ADGRL2: variants seen among roughly 807,000 people sequenced by gnomAD.
ADGRL2 encodes adhesion G protein-coupled receptor L2, also known as calcium-independent alpha-latrotoxin receptor 2.
Under a neutral mutation model 157.4 loss-of-function variants are expected in ADGRL2, and 44 were observed. The ratio of observed to expected loss-of-function variants is 0.28; its 90% CI spans 0.22 to 0.36. ADGRL2 has a LOEUF of 0.36. Ranked by LOEUF, ADGRL2 falls within the 10% of genes least tolerant of loss-of-function variation. ADGRL2 has a pLI of 1.00. For missense variants in ADGRL2, 1,510 were observed against 1,768.9 expected, an observed-to-expected ratio of 0.85 and a Z score of 2.63; for synonymous variants, 585 against 624.7, an observed-to-expected ratio of 0.94 and a Z score of 0.95.
At chr1:81,546,858 A>C (rs1161245443) in intron 2 of ADGRL2, among the ~76,000 whole-genome samples, 1 of 152,166 alleles carries the variant, frequency 6.6e-6, no homozygotes, top group Non-Finnish European at 1.5e-5. Flanking sequence ...GTCTTCTCCC[A>C]GAGGTGGTCA....
chr1:81,370,052 C>T (rs1258719025), intron 1 of ADGRL2, among the ~76,000 whole-genome samples: 3 of 152,022 alleles, frequency 2.0e-5, no homozygotes, highest in Non-Finnish European at 2.9e-5. Context: ...AGTTCTACCT[C>T]ACCTGCCAAG....
chr1:81,334,122 G>C (rs1254289277), intron 1 of ADGRL2, among the ~76,000 whole-genome samples: 1 of 152,150 alleles, frequency 6.6e-6, no homozygotes, highest in Non-Finnish European at 1.5e-5. Flanking sequence ...GACTTTTCCT[G>C]ATAGTTTTAG....
intron 2 of ADGRL2, among the ~76,000 whole-genome samples, chr1:81,877,422 A>G (rs1031355759): frequency 1.4e-4 from 22 of 152,088 alleles, no homozygotes; most frequent in African/African-American, 5.1e-4. Context: ...ATTATTCATA[A>G]AGTACTGAGA....
At chr1:81,720,257 A>G (rs1012785670) in intron 1 of ADGRL2, among the ~76,000 whole-genome samples, 3 of 139,138 alleles carry the variant, frequency 2.2e-5, no homozygotes, top group Non-Finnish European at 3.0e-5. Context: ...ATCTTAGCTT[A>G]CTACAACCTC....
At chr1:81,358,931 A>G (rs563662586) in intron 1 of ADGRL2, among the ~76,000 whole-genome samples, 4 of 152,208 alleles carry the variant, frequency 2.6e-5, no homozygotes, top group South Asian at 4.1e-4. Context: ...GTTTGAGCTA[A>G]AATATGGAAA....
intron 1 of ADGRL2, among the ~76,000 whole-genome samples, chr1:81,349,898 A>C (rs1195766974): frequency 1.3e-5 from 2 of 152,018 alleles, no homozygotes; most frequent in African/African-American, 2.4e-5. Context: ...ACATTCTACA[A>C]ACCTGCTTTA....
intron 1 of ADGRL2, among the ~76,000 whole-genome samples, chr1:81,349,512 G>T (rs1662719047): frequency 6.6e-6 from 1 of 152,006 alleles, no homozygotes; most frequent in Admixed American, 6.6e-5. Flanking sequence ...GGATGGTATT[G>T]GTGCTCTGAA....
At chr1:81,531,913 C>T (rs2079609429) in intron 2 of ADGRL2, among the ~76,000 whole-genome samples, 1 of 152,056 alleles carries the variant, frequency 6.6e-6, no homozygotes, top group Admixed American at 6.6e-5. Context: ...CTGGACCTAC[C>T]ACTAAACCAC....
At chr1:81,431,057 G>T (rs977989935) in intron 1 of ADGRL2, among the ~76,000 whole-genome samples, 12 of 152,102 alleles carry the variant, frequency 7.9e-5, no homozygotes, top group Non-Finnish European at 1.2e-4. Context: ...AGCAGAACAG[G>T]TACAGGAAAT....
In ADGRL2 at chr1:81,353,354, G is replaced by T. The variant is rs74093347; in HGVS notation, c.-302+46845G>T. ...GCAGGTAAAGGCCACAACCAGATTT[G>T]CTTGTTATCTGAATTAAGGATAGAA... On this transcript the variant is annotated intron_variant, in intron 1 of 24. Coordinates refer to the ADGRL2 transcript ENST00000370721. 2.6e-5 allele frequency among the ~76,000 whole-genome samples: 4 copies of T among 152,124 alleles called. No individual in the cohort carries two copies. The East Asian group carries it at 5.8e-4, about 22-fold the overall frequency.
intron 2 of ADGRL2, among the ~76,000 whole-genome samples, chr1:81,849,358 A>G (rs1410747415): frequency 2.0e-5 from 3 of 151,936 alleles, no homozygotes; most frequent in Non-Finnish European, 4.4e-5. Context: ...GTTAAGCAAC[A>G]ATAAAACCCC....
At chr1:81,539,437 A>G (rs561437729) in intron 2 of ADGRL2, among the ~76,000 whole-genome samples, 5 of 152,276 alleles carry the variant, frequency 3.3e-5, no homozygotes, top group African/African-American at 9.6e-5. Flanking sequence ...ATCATCAAAC[A>G]TTTCACAACG....
chr1:81,434,699 T>C (rs2077379580), intron 1 of ADGRL2, among the ~76,000 whole-genome samples: 1 of 152,128 alleles, frequency 6.6e-6, no homozygotes, highest in Admixed American at 6.6e-5. Context: ...ATGAGTATCA[T>C]CTCTCATATG....
intron 2 of ADGRL2, among the ~76,000 whole-genome samples, chr1:81,794,043 ATTG>A (rs2087471570): frequency 1.3e-5 from 2 of 152,128 alleles, no homozygotes; most frequent in African/African-American, 4.8e-5. Context: ...AACTATAAAA[ATTG>A]TTTTTATGTT....
intron 2 of ADGRL2, among the ~76,000 whole-genome samples, chr1:81,790,408 C>T (rs1191164589): frequency 6.6e-6 from 1 of 152,106 alleles, no homozygotes; most frequent in African/African-American, 2.4e-5. Flanking sequence ...GGAAAATACT[C>T]AAATTTTCAT....
intron 1 of ADGRL2, among the ~76,000 whole-genome samples, chr1:81,307,834 A>C (rs1022907706): frequency 2.0e-5 from 3 of 151,612 alleles, no homozygotes; most frequent in African/African-American, 7.3e-5. Context: ...TTTTTGATAG[A>C]GTCTTCTATT....
chr1:81,908,548 G>A (rs2094636203), intron 3 of ADGRL2, among the ~76,000 whole-genome samples: 1 of 152,178 alleles, frequency 6.6e-6, no homozygotes, highest in South Asian at 2.1e-4. Context: ...TAGAGCTACT[G>A]TAAACATCAG....
intron 1 of ADGRL2, among the ~76,000 whole-genome samples, chr1:81,369,258 A>G (rs1419671039): frequency 6.6e-6 from 1 of 152,152 alleles, no homozygotes; most frequent in African/African-American, 2.4e-5. Context: ...GCACAAGCAT[A>G]TATTTAGGGA....
At chr1:81,877,152 A>T (rs2093862128) in intron 2 of ADGRL2, among the ~76,000 whole-genome samples, 1 of 152,108 alleles carries the variant, frequency 6.6e-6, no homozygotes, top group Non-Finnish European at 1.5e-5. Flanking sequence ...GGTGGCATAA[A>T]ATAGTATATA....
Sources: gnomAD v4.1 joint callset for allele counts (sites outside exome capture counted in the v4.1 genomes callset) on GRCh38, gnomAD v4.1.1 for gene constraint, MANE v1.5 for transcripts, NCBI Gene and HGNC (gene_info 2026-07-23, HGNC 2026-07-21) for gene names.